Variants in MRPL18 observed in about 807,000 individuals in gnomAD.
MRPL18 encodes the protein large ribosomal subunit protein uL18m.
A neutral mutation model predicts 20.9 loss-of-function variants in MRPL18; 16 were observed. That is an observed-to-expected ratio of 0.76 (90% CI 0.52 to 1.16). The LOEUF is 1.16. MRPL18 is among the 50% of genes most tolerant of loss of function. The pLI is 0.00. For missense variants in MRPL18, 233 were observed against 230.6 expected (o/e 1.01, Z -0.07); for synonymous variants, 91 against 87.1 (o/e 1.04, Z -0.25).
intron 2 of MRPL18, among the ~76,000 whole-genome samples, chr6:159,791,594 C>A (rs73585648): frequency 0.062 from 9,504 of 152,180 alleles, 589 homozygotes; most frequent in African/African-American, 0.16. Context: ...AGCTTGAGCC[C>A]GAATTGGTTT....
At chr6:159,791,164 C>T (rs1411363102) in intron 2 of MRPL18, 38 bp downstream of exon 2, 4 of 1,607,832 alleles carry the variant, frequency 2.5e-6, no homozygotes, top group African/African-American at 1.3e-5. Context: ...GGGCAGTGCA[C>T]CCTACAGACT....
rs764645068 is a variant in MRPL18 at position 159,790,572 on chromosome 6, C to T, written c.-16C>T. 38 of 1,613,502 alleles carry T rather than the reference C, an allele frequency of 2.4e-5. No individual in the cohort carries two copies. The African/African-American group carries it at 2.8e-4, about 12-fold the overall frequency. On this transcript the variant is annotated 5_prime_UTR_variant, in exon 1 of 4. Transcript: ENST00000367034. ...TGAGGAAAAAGAGGCGAGGCTTTTC[C>T]GAGATCGTCTCAGCGATGGCGCTTC... is the stretch of plus-strand genomic sequence containing the variant.
chr6:159,791,109 C>T lies in MRPL18; in HGVS notation c.222C>T (p.Ser74=), dbSNP rs781482646. Residue 74 remains serine (S), a synonymous_variant, in exon 2 of 4, where the codon TCC becomes TCT. Coordinates refer to ENST00000367034, the MANE Select transcript of MRPL18 (RefSeq NM_014161.5). ...GGGGCTGGCGGACGGTGTTTCCCTC[C>T]CGTGAGTTCTGGCACAGGTAATTAA... The part of the protein sequence containing the change: ...KERGWRTVFP[S]REFWHRLRVI... The T allele has an allele frequency of 6.2e-6, 10 of 1,614,164 alleles. No individual in the cohort carries two copies. In the South Asian group the frequency reaches 8.8e-5, roughly 14 times the overall value.
chr6:159,790,195 C>T (rs925117487), upstream of MRPL18: 8 of 286,480 alleles, frequency 2.8e-5, no homozygotes, highest in South Asian at 5.3e-5. Flanking sequence ...TATTCCTACG[C>T]GGTGCCCAGG....
chr6:159,796,864 GTTTTC>G (rs751646847), intron 2 of MRPL18, among the ~76,000 whole-genome samples: 170 of 152,188 alleles, frequency 1.1e-3, no homozygotes, highest in Admixed American at 2.8e-3. Context: ...AATTTCTCAT[GTTTTC>G]TTCTAGTACT....
chr6:159,798,192 C>A lies in MRPL18; in HGVS notation c.*69C>A. 1 of 1,306,160 alleles carries A rather than the reference C, an allele frequency of 7.7e-7. No homozygotes were observed. The highest frequency in any genetic ancestry group is 1.1e-6 in the Non-Finnish European group (1 of 922,748). 80.9% of individuals were successfully genotyped at this position (1,306,160 alleles called of 1,614,324 possible). On this transcript the variant is annotated 3_prime_UTR_variant, in exon 4 of 4. Coordinates refer to ENST00000367034, the MANE Select transcript of MRPL18 (RefSeq NM_014161.5). Reference sequence around the variant, plus strand: ...AGCCACTACAGCCATCAAAAGAGAGCATCTGGAAGAACAGCCAGCTTGGAA... The same window carrying A: ...AGCCACTACAGCCATCAAAAGAGAGAATCTGGAAGAACAGCCAGCTTGGAA...
Position 159,790,927 on chromosome 6 carries a change from T to C in MRPL18, c.53-13T>C, listed in dbSNP as rs1780869893. Reference sequence around the variant, plus strand: ...TCATTTTTAAGCCCTGTGCGGTTTTTCCCGTTGCCCAGGGTGCAGGTTCGC... The same window carrying C: ...TCATTTTTAAGCCCTGTGCGGTTTTCCCCGTTGCCCAGGGTGCAGGTTCGC... On this transcript the variant is annotated splice_polypyrimidine_tract_variant and intron_variant, in intron 1 of 3. Coordinates refer to ENST00000367034, the MANE Select transcript of MRPL18 (RefSeq NM_014161.5). The C allele has an allele frequency of 2.5e-6, 4 of 1,613,684 alleles. No individual in the cohort carries two copies. The highest frequency in any genetic ancestry group is 3.4e-6 in the Non-Finnish European group (4 of 1,179,898).
At chr6:159,790,323 C>CGTAG, upstream of MRPL18, 1 of 595,426 alleles carries the variant, frequency 1.7e-6, no homozygotes, top group African/African-American at 1.9e-5. Flanking sequence ...TGGTCTTGGG[C>CGTAG]GTAGCTACGA....
At chr6:159,796,159 G>A (rs570855923) in intron 2 of MRPL18, among the ~76,000 whole-genome samples, 28 of 119,822 alleles carry the variant, frequency 2.3e-4, no homozygotes, top group Admixed American at 7.1e-4. Context: ...TAACCATGCA[G>A]CAAATTTTGT....
chr6:159,797,434 A>G lies in MRPL18; in HGVS notation c.387A>G (p.Gly129=), dbSNP rs1266516236. 6.2e-7 allele frequency: 1 copy of G among 1,614,052 alleles called. No homozygotes were observed. Among genetic ancestry groups the G allele is most frequent in the East Asian group, 2.2e-5 (1 of 44,896 alleles). The change falls in exon 3 of 4, where the codon GGA becomes GGG. Residue 129 remains glycine (G), a synonymous_variant. Coordinates refer to ENST00000367034, the MANE Select transcript of MRPL18 (RefSeq NM_014161.5). ...ATGTGGTGGCTTGTGAGAGTATAGGACGAGTGCTGGCACAGAGATGCTTAG... is the reference window on the plus strand; with the variant it reads ...ATGTGGTGGCTTGTGAGAGTATAGGGCGAGTGCTGGCACAGAGATGCTTAG... ...TRNVVACESI[G]RVLAQRCLEA...
Position 159,791,683 on chromosome 6 carries a change from T to A in MRPL18, c.239+557T>A, listed in dbSNP as rs146810044. Reference sequence around the variant, plus strand: ...TAGGGAGCCAGCCGAAGAAGCCGGATCATCTGAGGTCAGGAGTTTGAGACC... The same window carrying A: ...TAGGGAGCCAGCCGAAGAAGCCGGAACATCTGAGGTCAGGAGTTTGAGACC... On this transcript the variant is annotated intron_variant, in intron 2 of 3. Transcript: ENST00000367034. Among the ~76,000 whole-genome samples, 27 of 152,296 alleles carry A rather than the reference T, an allele frequency of 1.8e-4. No individual in the cohort carries two copies. In the East Asian group the frequency reaches 5.2e-3, roughly 29 times the overall value.
Position 159,798,226 on chromosome 6 carries a change from G to A in MRPL18, c.*103G>A. 2 of 901,242 alleles carry A rather than the reference G, an allele frequency of 2.2e-6. No individual in the cohort carries two copies. The highest frequency in any genetic ancestry group is 2.6e-5 in the Admixed American group (1 of 38,986). The allele number at this position is 901,242 out of a possible 1,614,324, so 55.8% of individuals were successfully genotyped here. On this transcript the variant is annotated 3_prime_UTR_variant, in exon 4 of 4. Transcript: ENST00000367034. Reference sequence around the variant, plus strand: ...GAACAGCCAGCTTGGAAGTTTTACAGCAATAATGTTGCAGTGGAATATTAT... The same window carrying A: ...GAACAGCCAGCTTGGAAGTTTTACAACAATAATGTTGCAGTGGAATATTAT...
intron 2 of MRPL18, among the ~76,000 whole-genome samples, chr6:159,792,565 G>T (rs1005377702): frequency 1.3e-5 from 2 of 152,212 alleles, no homozygotes; most frequent in African/African-American, 4.8e-5. Context: ...AAGAAAGGGA[G>T]TAGGCAGTTC....
At chr6:159,792,065 C>A (rs1170378534) in intron 2 of MRPL18, among the ~76,000 whole-genome samples, 3 of 152,166 alleles carry the variant, frequency 2.0e-5, no homozygotes, top group East Asian at 1.9e-4. Flanking sequence ...TGTTTTTTCT[C>A]ATTTAATCCT....
intron 2 of MRPL18, among the ~76,000 whole-genome samples, chr6:159,793,270 T>C (rs1780948478): frequency 6.6e-6 from 1 of 152,204 alleles, no homozygotes; most frequent in Non-Finnish European, 1.5e-5. Context: ...TTTGACATAA[T>C]GAATCGGGCC....
intron 1 of MRPL18, 75 bp downstream of exon 1, chr6:159,790,714 T>G: frequency 4.4e-6 from 7 of 1,578,172 alleles, no homozygotes; most frequent in Non-Finnish European, 6.1e-6. Flanking sequence ...GCGGGTTCTA[T>G]TTTGTATTCG....
intron 1 of MRPL18, 37 bp downstream of exon 1, chr6:159,790,676 C>A: frequency 1.9e-6 from 3 of 1,611,252 alleles, no homozygotes; most frequent in Non-Finnish European, 2.5e-6. Context: ...AGCTCACTCG[C>A]CTGGGCTTGC....
Position 159,798,130 on chromosome 6 carries a change from G to A in MRPL18, c.*7G>A. The A allele has an allele frequency of 1.2e-6, 2 of 1,602,844 alleles. No homozygotes were observed. Among genetic ancestry groups the A allele is most frequent in the East Asian group, 2.2e-5 (1 of 44,800 alleles). On this transcript the variant is annotated 3_prime_UTR_variant, in exon 4 of 4. Transcript: ENST00000367034. ...TCAGAGAATCTATGAATAAATGGAA[G>A]CATTAATTGTTTTGAACATGTAAAT... is the stretch of plus-strand genomic sequence containing the variant.
At chr6:159,791,185 A>T in intron 2 of MRPL18, 59 bp downstream of exon 2, 1 of 1,580,894 alleles carries the variant, frequency 6.3e-7, no homozygotes, top group African/African-American at 1.3e-5. Context: ...ATTTTCATTC[A>T]TTCAACTCCA....
Sources: gnomAD v4.1 joint callset for allele counts (sites outside exome capture counted in the v4.1 genomes callset) on GRCh38, gnomAD v4.1.1 for gene constraint, MANE v1.5 for transcripts, NCBI Gene and HGNC (gene_info 2026-07-23, HGNC 2026-07-21) for gene names.